Variants in ACACB observed in about 807,000 individuals in gnomAD.
ACACB encodes acetyl-CoA carboxylase beta.
In ACACB, 209 loss-of-function variants were observed where a neutral mutation model predicts 278.8. That is an observed-to-expected ratio of 0.75 (90% CI 0.67 to 0.84). ACACB has a LOEUF of 0.84. ACACB is among the 40% of genes least tolerant of loss of function. ACACB has a pLI of 0.00. For synonymous variants in ACACB, 1,174 were observed against 1,285.6 expected, an observed-to-expected ratio of 0.91 and a Z score of 1.86; for missense variants, 2,850 against 3,269.0, an observed-to-expected ratio of 0.87 and a Z score of 3.13.
At chr12:109,114,848 C>G (rs2135913672), upstream of ACACB, among the ~76,000 whole-genome samples, 1 of 152,088 alleles carries the variant, frequency 6.6e-6, no homozygotes, top group African/African-American at 2.4e-5. Context: ...AGAGCAAGAT[C>G]CTATTTCTAA....
intron 14 of ACACB, 25 bp downstream of exon 14, chr12:109,191,788 C>G: frequency 6.2e-7 from 1 of 1,614,122 alleles, no homozygotes; most frequent in African/African-American, 1.3e-5. Context: ...GCCTGTGTCT[C>G]CCCTCTGGAT....
At chr12:109,173,544 T>C (rs1414707036) in intron 6 of ACACB, among the ~76,000 whole-genome samples, 1 of 152,208 alleles carries the variant, frequency 6.6e-6, no homozygotes, top group African/African-American at 2.4e-5. Flanking sequence ...ACTCTCATTA[T>C]CAGTCTTAAT....
intron 37 of ACACB, among the ~76,000 whole-genome samples, chr12:109,244,962 G>A (rs944790323): frequency 6.6e-6 from 1 of 152,134 alleles, no homozygotes; most frequent in African/African-American, 2.4e-5. Flanking sequence ...CACTTTGGGA[G>A]GCTATGGTGG....
chr12:109,212,830 A>T lies in ACACB; in HGVS notation c.3250-6A>T. ...GCAGTCAGACCTGTCTTGTTTTCCC[A>T]TCCAGATAGCCACCATCCTGGACTG... On this transcript the variant is annotated splice_polypyrimidine_tract_variant and splice_region_variant and intron_variant, in intron 21 of 52. Coordinates refer to ENST00000338432, the MANE Select transcript of ACACB (RefSeq NM_001093.4). 2 of 1,613,568 alleles carry T rather than the reference A, an allele frequency of 1.2e-6. No individual in the cohort carries two copies. The highest frequency in any genetic ancestry group is 1.7e-6 in the Non-Finnish European group (2 of 1,179,572).
chr12:109,113,459 A>G (rs1344488418), upstream of ACACB: 1 of 152,242 alleles, frequency 6.6e-6, no homozygotes, highest in African/African-American at 2.4e-5. Flanking sequence ...TTGGTAACAC[A>G]AGGAAGTCAG....
At chr12:109,139,311 A>G in intron 1 of ACACB, 86 bp from the exon 2 acceptor site, 1 of 1,311,552 alleles carries the variant, frequency 7.6e-7, no homozygotes, top group African/African-American at 1.5e-5. Context: ...ACAGCACCCC[A>G]ACAGCCTCCT....
chr12:109,223,777 A>G, intron 26 of ACACB, 38 bp from the exon 27 acceptor site: 1 of 1,566,614 alleles, frequency 6.4e-7, no homozygotes, highest in Non-Finnish European at 8.8e-7. Flanking sequence ...ACTTGTTCAC[A>G]TTTACTTTTC....
upstream of ACACB, among the ~76,000 whole-genome samples, chr12:109,113,726 T>A (rs1000572713): frequency 2.6e-5 from 4 of 152,216 alleles, no homozygotes; most frequent in African/African-American, 9.6e-5. Context: ...AGAAGCAAAC[T>A]TTTTGGCGTA....
chr12:109,211,139 T>C (rs1319134522), intron 21 of ACACB, among the ~76,000 whole-genome samples: 1 of 151,932 alleles, frequency 6.6e-6, no homozygotes, highest in East Asian at 1.9e-4. Context: ...CCCACCATCA[T>C]CATCCACCCA....
chr12:109,182,712 G>A (rs2136234288), intron 11 of ACACB, among the ~76,000 whole-genome samples: 1 of 152,224 alleles, frequency 6.6e-6, no homozygotes, highest in East Asian at 1.9e-4. Context: ...CTCGTCAGGT[G>A]GCTAGTTTAC....
At chr12:109,203,089 A>G (rs959316415) in intron 19 of ACACB, among the ~76,000 whole-genome samples, 2 of 152,224 alleles carry the variant, frequency 1.3e-5, no homozygotes, top group Non-Finnish European at 2.9e-5. Context: ...TAGGTGCCTC[A>G]TATAGGTGGA....
At chr12:109,196,808 C>T (rs1350435436) in intron 16 of ACACB, among the ~76,000 whole-genome samples, 200 bp from the exon 17 acceptor site, 3 of 152,182 alleles carry the variant, frequency 2.0e-5, no homozygotes, top group Admixed American at 6.5e-5. Flanking sequence ...GCAGGTGTGG[C>T]TCGCTACTCC....
intron 1 of ACACB, among the ~76,000 whole-genome samples, chr12:109,119,494 G>A (rs987742911): frequency 2.6e-5 from 4 of 151,964 alleles, no homozygotes; most frequent in African/African-American, 9.7e-5. Flanking sequence ...GGAGGCTGAG[G>A]TAGGAGAATC....
Position 109,250,182 on chromosome 12 carries a change from A to C in ACACB, c.5790+78A>C, listed in dbSNP as rs562795144. 4 of 1,420,082 alleles carry C rather than the reference A, an allele frequency of 2.8e-6. No individual in the cohort carries two copies. The East Asian group carries it at 1.0e-4, about 37-fold the overall frequency. 88.0% of individuals were successfully genotyped at this position (1,420,082 alleles called of 1,614,324 possible). A position where few individuals can be genotyped will look rare whatever the true frequency, so the allele number is the denominator to read the frequency against. On this transcript the variant is annotated intron_variant, in intron 41 of 52. Coordinates refer to ENST00000338432, the MANE Select transcript of ACACB (RefSeq NM_001093.4). ...TAAAATTGTCACAAAATTAGAGAGAATCAATAATAAGCCCCATGTGCCCGT... is the reference window on the plus strand; with the variant it reads ...TAAAATTGTCACAAAATTAGAGAGACTCAATAATAAGCCCCATGTGCCCGT...
intron 21 of ACACB, among the ~76,000 whole-genome samples, chr12:109,209,812 C>T (rs1447746203): frequency 1.4e-5 from 2 of 142,450 alleles, no homozygotes; most frequent in Admixed American, 1.4e-4. Flanking sequence ...TATACACACA[C>T]ATATATATGC....
chr12:109,136,794 A>C (rs2042976040), intron 1 of ACACB, among the ~76,000 whole-genome samples: 2 of 152,168 alleles, frequency 1.3e-5, no homozygotes, highest in African/African-American at 4.8e-5. Context: ...TAATCTGTGA[A>C]TAGGGGTGGC....
chr12:109,162,513 G>T (rs74755769), intron 2 of ACACB, among the ~76,000 whole-genome samples: 1,680 of 152,180 alleles, frequency 0.011, 23 homozygotes, highest in African/African-American at 0.039. Context: ...TGTCTCCTGC[G>T]GCAGGGGCTG....
intron 11 of ACACB, among the ~76,000 whole-genome samples, chr12:109,184,849 G>A (rs1410679472): frequency 6.6e-6 from 1 of 151,934 alleles, no homozygotes; most frequent in African/African-American, 2.4e-5. Flanking sequence ...TGGGACCACA[G>A]GTGCAAGTCA....
At chr12:109,187,076 G>A (rs2044688270) in intron 12 of ACACB, among the ~76,000 whole-genome samples, 1 of 151,896 alleles carries the variant, frequency 6.6e-6, no homozygotes, top group Admixed American at 6.6e-5. Context: ...ATGGAGGGAG[G>A]GAGGGAGGAA....
Sources: gnomAD v4.1 joint callset for allele counts (sites outside exome capture counted in the v4.1 genomes callset) on GRCh38, gnomAD v4.1.1 for gene constraint, MANE v1.5 for transcripts, NCBI Gene and HGNC (gene_info 2026-07-23, HGNC 2026-07-21) for gene names.